CDH18: variants seen among roughly 807,000 people sequenced by gnomAD.
CDH18 encodes cadherin-18.
In CDH18, 31 loss-of-function variants were observed where a neutral mutation model predicts 67.9. The observed-to-expected ratio is 0.46, with a 90% CI of 0.34 to 0.62. The LOEUF is 0.62. Ranked by LOEUF, CDH18 falls within the 20% of genes least tolerant of loss-of-function variation. The pLI is 0.01. For missense variants in CDH18, 890 were observed against 975.5 expected, an observed-to-expected ratio of 0.91 and a Z score of 1.17; for synonymous variants, 362 against 347.2, an observed-to-expected ratio of 1.04 and a Z score of -0.48.
chr5:19,691,547 T>C (rs1394495895), intron 5 of CDH18, among the ~76,000 whole-genome samples: 1 of 151,858 alleles, frequency 6.6e-6, no homozygotes, highest in East Asian at 1.9e-4. Context: ...ATTTGCATGA[T>C]ACAAACTCAA....
intron 1 of CDH18, among the ~76,000 whole-genome samples, chr5:20,311,195 G>T (rs1736954897): frequency 6.6e-6 from 1 of 152,158 alleles, no homozygotes; most frequent in Non-Finnish European, 1.5e-5. Context: ...TACACTTTTG[G>T]TGGGAGGGTA....
At chr5:20,057,467 T>G (rs1427355485) in intron 2 of CDH18, among the ~76,000 whole-genome samples, 1 of 152,172 alleles carries the variant, frequency 6.6e-6, no homozygotes, top group Non-Finnish European at 1.5e-5. Flanking sequence ...ACTTAATAAT[T>G]TGTTCACTCA....
intron 1 of CDH18, among the ~76,000 whole-genome samples, chr5:20,265,333 TC>T (rs1744952541): frequency 6.6e-6 from 1 of 152,046 alleles, no homozygotes; most frequent in Non-Finnish European, 1.5e-5. Flanking sequence ...TTTAATAAAC[TC>T]CTTTTTCCTC....
chr5:20,311,947 C>A (rs77391143), intron 1 of CDH18, among the ~76,000 whole-genome samples: 5,701 of 152,236 alleles, frequency 0.037, 269 homozygotes, highest in African/African-American at 0.11. Flanking sequence ...GGAAATACTT[C>A]TATTTCCCTA....
chr5:20,013,829 CT>C (rs1318363726), intron 2 of CDH18, among the ~76,000 whole-genome samples: 1 of 152,030 alleles, frequency 6.6e-6, no homozygotes, highest in Non-Finnish European at 1.5e-5. Context: ...TAGAATATCA[CT>C]TTGTTTGTTC....
intron 11 of CDH18, among the ~76,000 whole-genome samples, chr5:19,489,316 T>G (rs970361037): frequency 6.6e-6 from 1 of 150,926 alleles, no homozygotes; most frequent in South Asian, 2.1e-4. Context: ...GGTGCAATCT[T>G]GGCTCACTGC....
intron 2 of CDH18, among the ~76,000 whole-genome samples, chr5:20,195,727 T>C (rs1341515223): frequency 6.6e-6 from 1 of 152,108 alleles, no homozygotes; most frequent in Non-Finnish European, 1.5e-5. Context: ...TATAAATATA[T>C]AGATTGCAAT....
intron 2 of CDH18, among the ~76,000 whole-genome samples, chr5:20,224,757 C>T (rs1048043052): frequency 6.6e-6 from 1 of 152,072 alleles, no homozygotes; most frequent in Non-Finnish European, 1.5e-5. Context: ...AGTGCCAGGA[C>T]ATTTTCACTG....
chr5:20,519,341 A>C (rs1326654775), intron 1 of CDH18, among the ~76,000 whole-genome samples: 1 of 152,126 alleles, frequency 6.6e-6, no homozygotes, highest in Non-Finnish European at 1.5e-5. Context: ...GAAACTGGAA[A>C]TCATCATTCT....
intron 2 of CDH18, among the ~76,000 whole-genome samples, chr5:20,036,704 A>G (rs1739894883): frequency 6.6e-6 from 1 of 152,068 alleles, no homozygotes; most frequent in Non-Finnish European, 1.5e-5. Flanking sequence ...TCTAATATTG[A>G]CAGTGGAGTG....
At chr5:20,321,184 T>C (rs548968892) in intron 1 of CDH18, among the ~76,000 whole-genome samples, 5 of 152,178 alleles carry the variant, frequency 3.3e-5, no homozygotes, top group African/African-American at 1.2e-4. Flanking sequence ...AACAAGATTT[T>C]CTCTAGAGCC....
chr5:19,492,762 C>G (rs1018843761), intron 11 of CDH18, among the ~76,000 whole-genome samples: 1 of 152,074 alleles, frequency 6.6e-6, no homozygotes, highest in Non-Finnish European at 1.5e-5. Flanking sequence ...AAACCCTTCA[C>G]TTGGTTATTC....
chr5:19,791,355 A>AC (rs1400728177), intron 3 of CDH18, among the ~76,000 whole-genome samples: 3 of 120,814 alleles, frequency 2.5e-5, no homozygotes, highest in South Asian at 3.4e-4. Flanking sequence ...TTCGACTTTT[A>AC]AACACACACA....
At chr5:20,086,885 G>A (rs536776089) in intron 2 of CDH18, among the ~76,000 whole-genome samples, 1 of 152,262 alleles carries the variant, frequency 6.6e-6, no homozygotes, top group South Asian at 2.1e-4. Flanking sequence ...CCATTCTGCA[G>A]CTCATGGGTC....
chr5:20,468,419 T>G (rs2150234781), intron 1 of CDH18, among the ~76,000 whole-genome samples: 1 of 152,316 alleles, frequency 6.6e-6, no homozygotes, highest in South Asian at 2.1e-4. Flanking sequence ...TCTTTTATCT[T>G]TCCCTCTTTT....
At chr5:20,286,952 G>T (rs1341433567) in intron 1 of CDH18, among the ~76,000 whole-genome samples, 1 of 151,674 alleles carries the variant, frequency 6.6e-6, no homozygotes, top group Non-Finnish European at 1.5e-5. Context: ...CTATAACCTA[G>T]AAAATAGTTG....
At chr5:19,994,701 GTATATATATATATATA>G (rs1166254040) in intron 2 of CDH18, among the ~76,000 whole-genome samples, 45 of 22,466 alleles carry the variant, frequency 2.0e-3, no homozygotes, top group South Asian at 5.5e-3. Flanking sequence ...ACCTCTTCCA[GTATATATATATATATA>G]TATATATATA....
chr5:19,900,591 A>C (rs1214481411), intron 2 of CDH18, among the ~76,000 whole-genome samples: 1 of 152,176 alleles, frequency 6.6e-6, no homozygotes, highest in African/African-American at 2.4e-5. Flanking sequence ...GTCTATAATA[A>C]ATTTTTAAAG....
intron 6 of CDH18, among the ~76,000 whole-genome samples, chr5:19,609,652 G>T (rs1319014310): frequency 6.6e-6 from 1 of 151,926 alleles, no homozygotes. Context: ...ATTAAGCATG[G>T]AGGAAAAAAC....
Sources: gnomAD v4.1 joint callset for allele counts (sites outside exome capture counted in the v4.1 genomes callset) on GRCh38, gnomAD v4.1.1 for gene constraint, MANE v1.5 for transcripts, NCBI Gene and HGNC (gene_info 2026-07-23, HGNC 2026-07-21) for gene names.